NOTCH2NLB: variants seen among roughly 807,000 people sequenced by gnomAD.
NOTCH2NLB encodes the protein notch homolog 2 N-terminal-like protein B.
NOTCH2NLB carries 1 observed loss-of-function variant against 14.8 expected under a neutral mutation model. That is an observed-to-expected ratio of 0.07 (90% CI 0.02 to 0.32). The LOEUF (loss-of-function observed/expected upper bound fraction) is 0.32. Ranked by LOEUF, NOTCH2NLB falls within the 10% of genes least tolerant of loss-of-function variation. The pLI is 1.00. For missense variants in NOTCH2NLB, 11 were observed against 155.0 expected (o/e 0.07, Z 4.93); for synonymous variants, 6 against 57.5 (o/e 0.10, Z 4.05).
At chr1:148,634,005 AT>A (rs1231944408) in intron 2 of NOTCH2NLB, among the ~76,000 whole-genome samples, 1 of 91,302 alleles carries the variant, frequency 1.1e-5, no homozygotes, top group African/African-American at 5.2e-5. Flanking sequence ...TGATAACAAT[AT>A]TGATTAACTG....
At chr1:148,660,453 T>G (rs1416060679) in intron 1 of NOTCH2NLB, among the ~76,000 whole-genome samples, 1 of 145,520 alleles carries the variant, frequency 6.9e-6, no homozygotes, top group Admixed American at 6.9e-5. Context: ...ATTCTGTCAA[T>G]AGAATAATGA....
chr1:148,610,323 G>GAGAAAGAAAGAC (rs1663647995), intron 3 of NOTCH2NLB, among the ~76,000 whole-genome samples: 1 of 45,564 alleles, frequency 2.2e-5, no homozygotes, highest in Non-Finnish European at 4.1e-5. Flanking sequence ...GAGAAAGAGA[G>GAGAAAGAAAGAC]AGAAAGAAAG....
At chr1:148,627,652 A>G (rs1313037296) in intron 2 of NOTCH2NLB, among the ~76,000 whole-genome samples, 3 of 151,918 alleles carry the variant, frequency 2.0e-5, no homozygotes, top group East Asian at 3.9e-4. Context: ...CCACCTTCTC[A>G]TGGCTAAGCC....
chr1:148,684,843 A>G, the NOTCH2NLB span, among the ~76,000 whole-genome samples: 1 of 105,222 alleles, frequency 9.5e-6, no homozygotes, highest in African/African-American at 3.4e-5. Flanking sequence ...TGGGAGGACC[A>G]CTTGATCCCA....
intron 3 of NOTCH2NLB, among the ~76,000 whole-genome samples, chr1:148,614,860 G>A (rs1226780392): frequency 1.0e-4 from 1 of 9,528 alleles, no homozygotes; most frequent in African/African-American, 2.0e-4. Flanking sequence ...CAGTGGAGGC[G>A]AATACAGACA....
intron 2 of NOTCH2NLB, among the ~76,000 whole-genome samples, chr1:148,625,568 C>T (rs1306198511): frequency 1.8e-5 from 2 of 113,150 alleles, no homozygotes; most frequent in African/African-American, 4.1e-5. Flanking sequence ...CATTAAAGCT[C>T]CTCTTTACTC....
chr1:148,627,707 A>G (rs1183325126), intron 2 of NOTCH2NLB, among the ~76,000 whole-genome samples: 1 of 151,716 alleles, frequency 6.6e-6, no homozygotes, highest in African/African-American at 2.4e-5. Flanking sequence ...CCTGTGAAAA[A>G]CAGCCTTGAC....
At chr1:148,630,773 CTGTTT>C (rs1200529623) in intron 2 of NOTCH2NLB, among the ~76,000 whole-genome samples, 11 of 80,468 alleles carry the variant, frequency 1.4e-4, no homozygotes, top group Admixed American at 1.3e-3. Flanking sequence ...ATATTACAAA[CTGTTT>C]TATTTTACAC....
upstream of NOTCH2NLB, among the ~76,000 whole-genome samples, chr1:148,680,979 A>G (rs1664931575): frequency 1.3e-5 from 2 of 152,228 alleles, no homozygotes. Context: ...AAGAGTAAGT[A>G]AATGAGTTCT....
chr1:148,630,681 CCT>C, intron 2 of NOTCH2NLB, among the ~76,000 whole-genome samples: 1 of 62,074 alleles, frequency 1.6e-5, no homozygotes, highest in East Asian at 8.9e-4. Flanking sequence ...CACCAAAAGT[CCT>C]CTGATTTTAC....
Position 148,651,162 on chromosome 1 carries a change from A to ATATATATACATATATATATAT in NOTCH2NLB, c.4-11074_4-11073insATATATATATATGTATATATA, listed in dbSNP as rs1325402394. Among the ~76,000 whole-genome samples, 15 of 46,022 alleles carry ATATATATACATATATATATAT rather than the reference A, an allele frequency of 3.3e-4. No individual in the cohort carries two copies. In the East Asian group the frequency reaches 7.2e-3, roughly 22 times the overall value. The allele number at this position is 46,022 out of a possible 152,430, so 30.2% of individuals were successfully genotyped here. On this transcript the variant is annotated intron_variant, in intron 1 of 4. Transcript: ENST00000593495. Reference sequence around the variant, plus strand: ...TGCCTGAGAAAAAAAAAAAAAAAAAAATATATATATATATATATATATATA... The same window carrying ATATATATACATATATATATAT: ...TGCCTGAGAAAAAAAAAAAAAAAAAATATATATACATATATATATATATATATATATATATATATATATATA...
Position 148,637,947 on chromosome 1 carries a change from A to G in NOTCH2NLB, c.77+2069T>C, listed in dbSNP as rs1664249529. 1.4e-5 allele frequency among the ~76,000 whole-genome samples: 2 copies of G among 148,138 alleles called. 1 individual carries two copies. Among genetic ancestry groups the G allele is most frequent in the Non-Finnish European group, 3.0e-5 (2 of 66,988 alleles). On this transcript the variant is annotated intron_variant, in intron 2 of 4. Transcript: ENST00000593495. ...TCATTCTTTTTTATGGCTGCATACT[A>G]TTCCATCGTGTATACATGCCACATT...
upstream of NOTCH2NLB, among the ~76,000 whole-genome samples, chr1:148,680,904 C>A (rs2149637065): frequency 6.6e-6 from 1 of 152,378 alleles, no homozygotes; most frequent in East Asian, 1.9e-4. Context: ...GTAAGAACAA[C>A]AACAATAGTT....
In NOTCH2NLB at chr1:148,624,008, A is replaced by G. The variant is rs1441523537; in HGVS notation, c.78-8058T>C. On this transcript the variant is annotated intron_variant, in intron 2 of 4. Transcript: ENST00000593495. ...CAGGAAGCTAAGCAGCATTATGGAC[A>G]TGGGAAGAAAGGGGAGTAATAGCTA... Among the ~76,000 whole-genome samples the G allele has an allele frequency of 4.4e-5, 4 of 90,196 alleles. 2 individuals are homozygous for G. Among genetic ancestry groups the G allele is most frequent in the Non-Finnish European group, 7.8e-5 (4 of 51,388 alleles). The allele number at this position is 90,196 out of a possible 152,430, so 59.2% of individuals were successfully genotyped here. A position where few individuals can be genotyped will look rare whatever the true frequency, so the allele number is the denominator to read the frequency against.
chr1:148,637,058 C>T (rs1664216513), intron 2 of NOTCH2NLB, among the ~76,000 whole-genome samples: 2 of 99,728 alleles, frequency 2.0e-5, no homozygotes, highest in Non-Finnish European at 3.6e-5. Flanking sequence ...ATTTAGGCAG[C>T]TCCATTTTCT....
At chr1:148,636,864 T>C (rs1318714983) in intron 2 of NOTCH2NLB, among the ~76,000 whole-genome samples, 1 of 143,588 alleles carries the variant, frequency 7.0e-6, no homozygotes, top group Non-Finnish European at 1.5e-5. Flanking sequence ...AGGTAGGGAA[T>C]CACTCTCTTT....
At chr1:148,674,857 T>C (rs1232524047) in intron 1 of NOTCH2NLB, among the ~76,000 whole-genome samples, 3 of 148,638 alleles carry the variant, frequency 2.0e-5, no homozygotes, top group Non-Finnish European at 1.5e-5. Context: ...ACTCTCTTGG[T>C]TCAAAAAAAA....
chr1:148,670,785 AAT>A (rs1198440067), intron 1 of NOTCH2NLB, among the ~76,000 whole-genome samples: 1 of 81,398 alleles, frequency 1.2e-5, no homozygotes, highest in African/African-American at 4.1e-5. Flanking sequence ...GCAAAGTATA[AAT>A]ATGAGTTAAT....
chr1:148,625,858 T>C (rs1663972293), intron 2 of NOTCH2NLB, among the ~76,000 whole-genome samples: 1 of 69,846 alleles, frequency 1.4e-5, no homozygotes, highest in Admixed American at 1.3e-4. Context: ...GCCAGCTTAG[T>C]TTCCTGCCCC....
Sources: gnomAD v4.1 joint callset for allele counts (sites outside exome capture counted in the v4.1 genomes callset) on GRCh38, gnomAD v4.1.1 for gene constraint, MANE v1.5 for transcripts, NCBI Gene and HGNC (gene_info 2026-07-23, HGNC 2026-07-21) for gene names.